Variants in ANK3 observed in about 807,000 individuals in gnomAD.
ANK3 encodes the protein ankyrin 3.
In ANK3, 57 loss-of-function variants were observed where a neutral mutation model predicts 370.9. That is an observed-to-expected ratio of 0.15 (90% CI 0.12 to 0.19). The LOEUF (loss-of-function observed/expected upper bound fraction) is 0.19. Among genes scored for constraint, ANK3 ranks in the 10% least tolerant of loss-of-function variants. ANK3 has a pLI of 1.00. For missense variants in ANK3, 4,439 were observed against 5,302.1 expected, an observed-to-expected ratio of 0.84 and a Z score of 5.06; for synonymous variants, 1,929 against 1,946.3, an observed-to-expected ratio of 0.99 and a Z score of 0.23.
Position 60,307,122 on chromosome 10 carries a change from CAAAT to C in ANK3, c.115-27487_115-27484del, listed in dbSNP as rs1371280884. On this transcript the variant is annotated intron_variant, in intron 1 of 43. Transcript: ENST00000280772. The stretch of plus-strand genomic sequence containing the variant: ...TATGCCATTCAAATTTCAGTGTTCA[CAAAT>C]AAAGTTCTATTGAAACACAGCAATG... Among the ~76,000 whole-genome samples the C allele has an allele frequency of 2.0e-5, 3 of 152,134 alleles. No homozygotes were observed. In the East Asian group the frequency reaches 5.8e-4, roughly 29 times the overall value.
At chr10:60,561,021 T>C (rs994547561) in intron 2 of ANK3, among the ~76,000 whole-genome samples, 4 of 152,146 alleles carry the variant, frequency 2.6e-5, no homozygotes, top group African/African-American at 9.7e-5. Context: ...CAAGGTAAAT[T>C]ATCTAGTGGC....
chr10:60,195,333 G>A (rs576340651), intron 16 of ANK3, among the ~76,000 whole-genome samples: 6 of 149,320 alleles, frequency 4.0e-5, no homozygotes, highest in African/African-American at 1.2e-4. Context: ...GCAGAGAGCC[G>A]AGATTGCGCC....
At chr10:60,319,561 C>T (rs2048184950) in intron 1 of ANK3, among the ~76,000 whole-genome samples, 1 of 152,140 alleles carries the variant, frequency 6.6e-6, no homozygotes, top group South Asian at 2.1e-4. Flanking sequence ...TTTTGCCAGT[C>T]CCCAAGATGC....
chr10:60,276,391 G>A (rs145268721), intron 4 of ANK3, among the ~76,000 whole-genome samples: 29 of 152,228 alleles, frequency 1.9e-4, no homozygotes, highest in Admixed American at 7.9e-4. Context: ...AGTTCCTACT[G>A]AAGAGTTGTT....
At chr10:60,684,691 T>G in intron 1 of ANK3, 1 of 1,587,914 alleles carries the variant, frequency 6.3e-7, no homozygotes, top group Non-Finnish European at 8.6e-7. Context: ...TAAGGTAAAC[T>G]TGAGAAATTC....
intron 2 of ANK3, among the ~76,000 whole-genome samples, chr10:60,490,873 C>A (rs766321095): frequency 6.6e-6 from 1 of 152,070 alleles, no homozygotes; most frequent in Non-Finnish European, 1.5e-5. Flanking sequence ...TAAAAATCAC[C>A]CAAAACAAAA....
At chr10:60,510,735 G>C (rs2076057689) in intron 2 of ANK3, among the ~76,000 whole-genome samples, 1 of 152,038 alleles carries the variant, frequency 6.6e-6, no homozygotes, top group African/African-American at 2.4e-5. Flanking sequence ...CATGTGAATT[G>C]CTTGAATCTG....
At chr10:60,618,027 G>A (rs550124212) in intron 1 of ANK3, among the ~76,000 whole-genome samples, 8 of 152,242 alleles carry the variant, frequency 5.3e-5, no homozygotes, top group Admixed American at 5.2e-4. Flanking sequence ...CATTGTGGAA[G>A]CATCCCTCAG....
chr10:60,446,325 C>G (rs1365673933), intron 2 of ANK3, among the ~76,000 whole-genome samples: 1 of 152,168 alleles, frequency 6.6e-6, no homozygotes, highest in Non-Finnish European at 1.5e-5. Context: ...AGAGCATGGT[C>G]CATTATGCCC....
intron 2 of ANK3, among the ~76,000 whole-genome samples, chr10:60,444,578 C>T (rs995375154): frequency 1.3e-5 from 2 of 151,812 alleles, no homozygotes; most frequent in African/African-American, 4.8e-5. Flanking sequence ...CTTTTAATTC[C>T]AGCCATAAAT....
At chr10:60,293,005 C>T (rs1017699482) in intron 1 of ANK3, among the ~76,000 whole-genome samples, 6 of 152,096 alleles carry the variant, frequency 3.9e-5, no homozygotes, top group African/African-American at 9.7e-5. Context: ...CACCAAGCCC[C>T]GCCCAGGGTC....
intron 2 of ANK3, among the ~76,000 whole-genome samples, chr10:60,491,395 T>C (rs73257071): frequency 0.13 from 19,762 of 152,152 alleles, 1,481 homozygotes; most frequent in African/African-American, 0.21. Context: ...ATGAACTAGA[T>C]AGCTCAATCA....
chr10:60,588,963 A>G (rs2077872896), intron 2 of ANK3, among the ~76,000 whole-genome samples: 1 of 152,148 alleles, frequency 6.6e-6, no homozygotes, highest in African/African-American at 2.4e-5. Context: ...GGGAAAGGGG[A>G]GAAAGAGGAG....
At chr10:60,038,304 T>C (rs1022425611) in intron 43 of ANK3, among the ~76,000 whole-genome samples, 5 of 152,094 alleles carry the variant, frequency 3.3e-5, no homozygotes, top group African/African-American at 1.2e-4. Flanking sequence ...GGTTGGGGCA[T>C]GAGAATTGCT....
At chr10:60,143,593 CT>C (rs1170164498) in intron 23 of ANK3, among the ~76,000 whole-genome samples, 2 of 152,064 alleles carry the variant, frequency 1.3e-5, no homozygotes, top group Non-Finnish European at 2.9e-5. Flanking sequence ...GAAATAAGAG[CT>C]GTGTTATAGA....
rs564002892 is a variant in ANK3 at position 60,566,175 on chromosome 10, GA to G, written c.96+49010del. ...CCACAAACCACATCCATATAAGATG[GA>G]AACCTTAATTAGTAAATGTTGTATG... On this transcript the variant is annotated intron_variant, in intron 2 of 43. Transcript: ENST00000373827. Among the ~76,000 whole-genome samples, 10 of 152,260 alleles carry G rather than the reference GA, an allele frequency of 6.6e-5. No individual in the cohort carries two copies. The South Asian group carries it at 1.9e-3, about 28-fold the overall frequency.
Position 60,069,922 on chromosome 10 carries a change from C to T in ANK3, c.10959G>A (p.Met3653Ile). The part of the protein sequence containing the change: ...SGDQGEGDKS[M>I]VTATPQPQSG... ...ACTGTGGCTGTGGTGTGGCAGTGACCATACTTTTATCCCCTTCCCCCTGGT... is the reference window on the plus strand; with the variant it reads ...ACTGTGGCTGTGGTGTGGCAGTGACTATACTTTTATCCCCTTCCCCCTGGT... The change falls in exon 37 of 44, where the codon ATG becomes ATA. Residue 3653 changes from methionine (M) to isoleucine (I), a missense_variant. By Grantham distance (10) the Met-to-Ile change is conservative (BLOSUM62 1). Coordinates refer to ENST00000280772, the MANE Select transcript of ANK3 (RefSeq NM_020987.5). 1 of 1,613,958 alleles carries T rather than the reference C, an allele frequency of 6.2e-7. No homozygotes were observed. The highest frequency in any genetic ancestry group is 8.5e-7 in the Non-Finnish European group (1 of 1,179,964).
chr10:60,265,672 G>A (rs2097864964), intron 5 of ANK3, among the ~76,000 whole-genome samples: 1 of 152,000 alleles, frequency 6.6e-6, no homozygotes, highest in African/African-American at 2.4e-5. Flanking sequence ...AAAGCATTTG[G>A]AAAACACATA....
intron 25 of ANK3, among the ~76,000 whole-genome samples, chr10:60,116,319 T>C (rs966374211): frequency 6.6e-6 from 1 of 152,098 alleles, no homozygotes; most frequent in African/African-American, 2.4e-5. Context: ...AATTTCCCAG[T>C]GAAATGTTCT....
Sources: allele counts gnomAD v4.1 joint callset (sites outside exome capture counted in the v4.1 genomes callset), GRCh38; gene constraint gnomAD v4.1.1; transcripts MANE v1.5; gene names NCBI Gene and HGNC (gene_info 2026-07-23, HGNC 2026-07-21).